The following TBX15 variants were observed in gnomAD, a reference collection of about 807,000 sequenced individuals.
TBX15 encodes the protein T-box transcription factor 15.
A neutral mutation model predicts 53.9 loss-of-function variants in TBX15; 18 were observed. The observed-to-expected ratio is 0.33, with a 90% CI of 0.23 to 0.49. The LOEUF (loss-of-function observed/expected upper bound fraction) is 0.49. TBX15 is among the 20% of genes least tolerant of loss of function. The pLI, the probability that TBX15 is intolerant of heterozygous loss-of-function variation, is 0.98. For missense variants in TBX15, 692 were observed against 749.5 expected, an observed-to-expected ratio of 0.92 and a Z score of 0.90; for synonymous variants, 295 against 278.0, an observed-to-expected ratio of 1.06 and a Z score of -0.61.
At chr1:118,911,684 A>T (rs1178537968) in intron 6 of TBX15, among the ~76,000 whole-genome samples, 1 of 152,166 alleles carries the variant, frequency 6.6e-6, no homozygotes, top group Non-Finnish European at 1.5e-5. Context: ...GTTCTAAATC[A>T]TGCCTCAGCA....
At chr1:118,899,498 TGTC>T (rs1467129597) in intron 6 of TBX15, among the ~76,000 whole-genome samples, 3 of 152,290 alleles carry the variant, frequency 2.0e-5, no homozygotes, top group Middle Eastern at 3.4e-3. Context: ...CACAGAACAA[TGTC>T]GTCATCATTA....
rs41276608 is a variant in TBX15, at chr1:118,931,626, C to T, written c.412G>A (p.Ala138Thr). The T allele has an allele frequency of 5.7e-5, 92 of 1,614,054 alleles. No homozygotes were observed. The highest frequency in any genetic ancestry group is 6.4e-5 in the Non-Finnish European group (76 of 1,179,956). The stretch of plus-strand genomic sequence containing the variant: ...AAAGGAATTTGTCCTTACCTGCCTG[C>T]TTTGGTGATGATCATTTCAGTTCCA... Reference protein sequence around the residue: ...DIGTEMIITKAGRRMFPAMRV... With the variant: ...DIGTEMIITKTGRRMFPAMRV... Residue 138 changes from alanine to threonine, a missense_variant, in exon 2 of 8, where the codon GCA (alanine) becomes ACA (threonine). Transcript: ENST00000369429.
At chr1:118,888,743 G>A (rs1039949367) in intron 7 of TBX15, among the ~76,000 whole-genome samples, 4 of 152,152 alleles carry the variant, frequency 2.6e-5, no homozygotes, top group Non-Finnish European at 4.4e-5. Context: ...TGTTCAGCAT[G>A]TCATACTGTC....
intron 1 of TBX15, among the ~76,000 whole-genome samples, chr1:118,962,546 G>T (rs542946367): frequency 6.6e-6 from 1 of 152,156 alleles, no homozygotes; most frequent in South Asian, 2.1e-4. Context: ...AACTGATAAG[G>T]CTTCATGAAC....
chr1:118,893,269 A>G (rs1173842325), intron 7 of TBX15, among the ~76,000 whole-genome samples: 1 of 61,086 alleles, frequency 1.6e-5, no homozygotes, highest in South Asian at 7.7e-4. Context: ...AAAGAAAGGA[A>G]GAAGGAAGGA....
chr1:118,985,813 A>C (rs1312931207), intron 1 of TBX15, among the ~76,000 whole-genome samples: 2 of 152,204 alleles, frequency 1.3e-5, no homozygotes, highest in Non-Finnish European at 2.9e-5. Context: ...GGAGCGAGTA[A>C]ATAGAATTCA....
chr1:118,981,955 C>G (rs1657666320), intron 1 of TBX15, among the ~76,000 whole-genome samples: 1 of 152,190 alleles, frequency 6.6e-6, no homozygotes, highest in Non-Finnish European at 1.5e-5. Flanking sequence ...AAAAGAGATT[C>G]CACATTCCAC....
At chr1:118,908,296 A>G (rs1654904171) in intron 6 of TBX15, among the ~76,000 whole-genome samples, 1 of 151,702 alleles carries the variant, frequency 6.6e-6, no homozygotes, top group Non-Finnish European at 1.5e-5. Flanking sequence ...AAGAACAGAA[A>G]CCTGCAATAG....
chr1:118,977,592 G>A (rs1186582319), intron 1 of TBX15, among the ~76,000 whole-genome samples: 2 of 152,146 alleles, frequency 1.3e-5, no homozygotes, highest in African/African-American at 2.4e-5. Context: ...ATCAGATGAC[G>A]GTGGGGAGCC....
At chr1:118,897,120 G>A (rs902804759) in intron 7 of TBX15, among the ~76,000 whole-genome samples, 1 of 152,154 alleles carries the variant, frequency 6.6e-6, no homozygotes, top group African/African-American at 2.4e-5. Context: ...TTTAGTATAA[G>A]TACCATGAAG....
At chr1:118,886,540 T>A (rs191826551) in intron 7 of TBX15, among the ~76,000 whole-genome samples, 1 of 152,272 alleles carries the variant, frequency 6.6e-6, no homozygotes, top group Non-Finnish European at 1.5e-5. Context: ...TCGGATGAAC[T>A]AAAGGAAAGT....
intron 2 of TBX15, among the ~76,000 whole-genome samples, chr1:118,930,204 A>G (rs1655734890): frequency 6.6e-6 from 1 of 152,192 alleles, no homozygotes; most frequent in Admixed American, 6.5e-5. Flanking sequence ...GATAAACTGG[A>G]CCCAACCAAA....
At chr1:118,974,272 A>G (rs1657346066) in intron 1 of TBX15, among the ~76,000 whole-genome samples, 1 of 152,198 alleles carries the variant, frequency 6.6e-6, no homozygotes, top group East Asian at 1.9e-4. Context: ...AGTTGCCTGC[A>G]TAGAGTGGTG....
At chr1:118,959,451 G>A (rs1051820645) in intron 1 of TBX15, among the ~76,000 whole-genome samples, 2 of 152,150 alleles carry the variant, frequency 1.3e-5, no homozygotes, top group Non-Finnish European at 2.9e-5. Context: ...GATATTTCCA[G>A]TACCTAACCT....
At chr1:118,923,392 C>T (rs780667920) in intron 5 of TBX15, 44 bp downstream of exon 5, 1 of 1,612,272 alleles carries the variant, frequency 6.2e-7, no homozygotes, top group Non-Finnish European at 8.5e-7. Context: ...GCAGAAGGAC[C>T]AAAAAACAGA....
At chr1:118,939,514 A>G (rs2101631498) in intron 1 of TBX15, among the ~76,000 whole-genome samples, 1 of 151,668 alleles carries the variant, frequency 6.6e-6, no homozygotes, top group South Asian at 2.1e-4. Context: ...CATGGACATA[A>G]ATACAGGAAC....
chr1:118,923,479 G>A lies in TBX15; in HGVS notation c.818C>T (p.Pro273Leu). The A allele has an allele frequency of 6.2e-7, 1 of 1,613,938 alleles. No homozygotes were observed. The highest frequency in any genetic ancestry group is 2.2e-5 in the East Asian group (1 of 44,858). Residue 273 changes from proline (P) to leucine (L), a missense_variant, in exon 5 of 8, where the codon CCT becomes CTT. By Grantham distance (98) the Pro-to-Leu change is moderately conservative (BLOSUM62 -3). This residue lies in a region of TBX15 where 307 missense variants were observed against 347.5 expected (regional missense o/e 0.88). Coordinates refer to ENST00000369429, the MANE Select transcript of TBX15 (RefSeq NM_001330677.2). ...VGDGVKTFNF[P>L]ETVFTTVTAY... is the part of the protein sequence containing the mutation. Reference sequence around the variant, plus strand: ...CGTAACTGTGGTGAACACAGTCTCAGGAAAGTTGAACGTTTTCACCCCATC... The same window carrying A: ...CGTAACTGTGGTGAACACAGTCTCAAGAAAGTTGAACGTTTTCACCCCATC...
chr1:118,948,936 A>T (rs1344678453), intron 1 of TBX15, among the ~76,000 whole-genome samples: 1 of 152,152 alleles, frequency 6.6e-6, no homozygotes, highest in Non-Finnish European at 1.5e-5. Flanking sequence ...CCTGTGAAAG[A>T]CCTCTTTCTT....
chr1:118,916,728 T>C (rs1655236176), intron 5 of TBX15, among the ~76,000 whole-genome samples: 1 of 151,936 alleles, frequency 6.6e-6, no homozygotes, highest in African/African-American at 2.4e-5. Context: ...TACCTAGGCA[T>C]GGTGGTGTGC....
Sources: allele counts gnomAD v4.1 joint callset (sites outside exome capture counted in the v4.1 genomes callset), GRCh38; gene constraint gnomAD v4.1.1; regional missense constraint gnomAD v4.1.1; transcripts MANE v1.5; gene names NCBI Gene and HGNC (gene_info 2026-07-23, HGNC 2026-07-21).